The following KCNK17 variants were observed in gnomAD, a reference collection of about 807,000 sequenced individuals.
The protein encoded by KCNK17 is potassium channel subfamily K member 17.
A neutral mutation model predicts 24.6 loss-of-function variants in KCNK17; 27 were observed. The ratio of observed to expected loss-of-function variants is 1.10; its 90% CI spans 0.81 to 1.51. The LOEUF (loss-of-function observed/expected upper bound fraction) is 1.51, where lower values mean the gene tolerates loss of function less well. KCNK17 is among the 40% of genes most tolerant of loss of function. The pLI, the probability that KCNK17 is intolerant of heterozygous loss-of-function variation, is 0.00. For synonymous variants in KCNK17, 181 were observed against 189.8 expected (o/e 0.95, Z 0.38); for missense variants, 450 against 436.6 (o/e 1.03, Z -0.27).
intron 2 of KCNK17, among the ~76,000 whole-genome samples, chr6:39,310,425 GGGCTGA>G (rs1478857496): frequency 6.6e-6 from 1 of 151,946 alleles, no homozygotes; most frequent in Non-Finnish European, 1.5e-5. Context: ...ACCTCCCCCA[GGGCTGA>G]GAAACGGGGG....
At chr6:39,307,908 A>T (rs1762062504) in intron 2 of KCNK17, among the ~76,000 whole-genome samples, 1 of 152,148 alleles carries the variant, frequency 6.6e-6, no homozygotes, top group Admixed American at 6.5e-5. Flanking sequence ...CACAAGTCAC[A>T]TTCCCATCTC....
chr6:39,313,316 T>C (rs1762185672), intron 1 of KCNK17, among the ~76,000 whole-genome samples: 3 of 152,224 alleles, frequency 2.0e-5, no homozygotes, highest in South Asian at 2.1e-4. Context: ...GCCTTCAGCC[T>C]TTCTGGGCAG....
At chr6:39,313,033 ACT>A (rs1400730879) in intron 1 of KCNK17, among the ~76,000 whole-genome samples, 2 of 151,788 alleles carry the variant, frequency 1.3e-5, no homozygotes, top group African/African-American at 2.4e-5. Flanking sequence ...TGGACTGGAG[ACT>A]CTGGACGGAT....
chr6:39,308,899 G>A (rs1762081909), intron 2 of KCNK17, among the ~76,000 whole-genome samples: 1 of 152,190 alleles, frequency 6.6e-6, no homozygotes, highest in Non-Finnish European at 1.5e-5. Flanking sequence ...AGTGCATACA[G>A]GTGTGGTCAG....
chr6:39,310,959 T>TG lies in KCNK17; in HGVS notation c.285dup (p.Thr96HisfsTer79). 6.2e-7 allele frequency: 1 copy of TG among 1,602,404 alleles called. No homozygotes were observed. The highest frequency in any genetic ancestry group is 2.3e-5 in the East Asian group (1 of 44,028). On this transcript the variant is annotated frameshift_variant, in exon 2 of 5. Coordinates refer to ENST00000373231, the MANE Select transcript of KCNK17 (RefSeq NM_031460.4). LOFTEE classifies it high-confidence loss of function. ...ACGAGCTCCCAGCGCCCCATGCTGGTGGTGTTGCTGAGGAGGCTGGCTCCG... is the reference window on the plus strand; with the variant it reads ...ACGAGCTCCCAGCGCCCCATGCTGGTGGGTGTTGCTGAGGAGGCTGGCTCCG...
At chr6:39,305,513 T>C (rs754752065) in intron 2 of KCNK17, among the ~76,000 whole-genome samples, 3 of 152,046 alleles carry the variant, frequency 2.0e-5, no homozygotes, top group Non-Finnish European at 4.4e-5. Flanking sequence ...TGGTCTCTGA[T>C]CCTCAAGATA....
In KCNK17 at chr6:39,314,268, G is replaced by A. The variant is rs780907022; in HGVS notation, c.53C>T (p.Ala18Val). The change falls in exon 1 of 5, where the codon GCG becomes GTG. Residue 18 changes from alanine (A) to valine (V), a missense_variant. Transcript: ENST00000373231. ...CAGCAGGAGCACGGTGCTGGGCACC[G>A]CGCAGCCCCGGACCCTGCCCTCGGG... ...AAPEGRVRGCAVPSTVLLLLA... is the reference protein window; with the variant it reads ...AAPEGRVRGCVVPSTVLLLLA... The A allele has an allele frequency of 5.3e-6, 8 of 1,523,648 alleles. No homozygotes were observed. The highest frequency in any genetic ancestry group is 3.6e-5 in the South Asian group (3 of 82,482). 94.4% of individuals were successfully genotyped at this position (1,523,648 alleles called of 1,614,324 possible).
chr6:39,304,368 C>A, intron 3 of KCNK17, 127 bp downstream of exon 3: 1 of 919,832 alleles, frequency 1.1e-6, no homozygotes, highest in South Asian at 1.6e-5. Context: ...GAGCAGTGAC[C>A]CCCAATCCCA....
chr6:39,312,039 A>G (rs6927793), intron 1 of KCNK17, among the ~76,000 whole-genome samples: 2,751 of 152,286 alleles, frequency 0.018, 73 homozygotes, highest in African/African-American at 0.057. Context: ...CTCCTGCAGA[A>G]GTGAGTGATA....
chr6:39,304,719 C>A, intron 2 of KCNK17, 64 bp from the exon 3 acceptor site: 1 of 1,554,822 alleles, frequency 6.4e-7, no homozygotes, highest in Non-Finnish European at 8.8e-7. Flanking sequence ...ACCACCACAG[C>A]CCCACTCCTG....
At position 39,314,405 on chromosome 6, in the gene KCNK17, C is replaced by G; in HGVS notation, c.-85G>C. The stretch of plus-strand genomic sequence containing the variant: ...GGGCCAGGCGTCCAGCTCGTATCTC[C>G]TCTCGCAAACGCCTGCTGGTGCCCG... On this transcript the variant is annotated 5_prime_UTR_variant, in exon 1 of 5. Transcript: ENST00000373231. 1 of 984,952 alleles carries G rather than the reference C, an allele frequency of 1.0e-6. No homozygotes were observed. The highest frequency in any genetic ancestry group is 1.4e-6 in the Non-Finnish European group (1 of 710,752). 61.0% of individuals were successfully genotyped at this position (984,952 alleles called of 1,614,324 possible). A position where few individuals can be genotyped will look rare whatever the true frequency, so the allele number is the denominator to read the frequency against.
chr6:39,303,884 G>C (rs1761985865), intron 4 of KCNK17, 73 bp downstream of exon 4: 2 of 1,520,394 alleles, frequency 1.3e-6, no homozygotes, highest in Admixed American at 3.4e-5. Context: ...AGGTGCGCCA[G>C]CTGCGGGAGC....
chr6:39,314,131 G>A lies in KCNK17; in HGVS notation c.190C>T (p.Gln64Ter), dbSNP rs201418585. The change falls in exon 1 of 5, where the codon CAG becomes TAG. Residue 64 changes from glutamine to a stop codon, truncating the protein, a stop_gained. Transcript: ENST00000373231. LOFTEE classifies it high-confidence loss of function. Reference protein sequence around the residue: ...SFQRDKWELLQNFTCLDRPAL... With the variant: ...SFQRDKWELL ...GGGCGGTCCAGACACGTGAAGTTCT[G>A]CAACAGCTCCCACTTGTCGCGCTGG... 2.8e-5 allele frequency: 45 copies of A among 1,596,774 alleles called. No individual in the cohort carries two copies. In the African/African-American group the frequency reaches 5.8e-4, roughly 20 times the overall value.
chr6:39,312,819 A>G (rs1454036333), intron 1 of KCNK17, among the ~76,000 whole-genome samples: 1 of 152,212 alleles, frequency 6.6e-6, no homozygotes, highest in Non-Finnish European at 1.5e-5. Flanking sequence ...ACCAGGACCC[A>G]GCAGTCGGGC....
chr6:39,314,234 G>C lies in KCNK17; in HGVS notation c.87C>G (p.Tyr29Ter). 1.3e-6 allele frequency: 2 copies of C among 1,538,172 alleles called. No homozygotes were observed. Among genetic ancestry groups the C allele is most frequent in the Non-Finnish European group, 1.7e-6 (2 of 1,146,434 alleles). ...CGGTGCCCAGCGCCAGGTAAGCCAG[G>C]TAGGCGAGCAGCAGGAGCACGGTGC... is the stretch of plus-strand genomic sequence containing the variant. ...VPSTVLLLLAYLAYLALGTGV... is the reference protein window; with the variant it reads ...VPSTVLLLLA Residue 29 changes from tyrosine to a stop codon, truncating the protein, a stop_gained, in exon 1 of 5, where the codon TAC becomes TAG. Coordinates refer to ENST00000373231, the MANE Select transcript of KCNK17 (RefSeq NM_031460.4). LOFTEE classifies it high-confidence loss of function.
intron 4 of KCNK17, 146 bp from the exon 5 acceptor site, chr6:39,299,883 C>G: frequency 1.2e-6 from 1 of 820,222 alleles, no homozygotes; most frequent in Non-Finnish European, 1.9e-6. Context: ...GCCTCATGGT[C>G]ACCTCCGAAG....
intron 1 of KCNK17, 101 bp from the exon 2 acceptor site, chr6:39,311,108 AC>A (rs1554191981): frequency 3.3e-6 from 2 of 613,292 alleles, no homozygotes; most frequent in East Asian, 5.6e-5. Context: ...ACACACACAC[AC>A]ACACACACAC....
At chr6:39,300,351 T>C (rs907957959) in intron 4 of KCNK17, 1 of 811,226 alleles carries the variant, frequency 1.2e-6, no homozygotes, top group Non-Finnish European at 2.1e-6. Flanking sequence ...CTTGAACTCC[T>C]GAGCTCAGGC....
At chr6:39,308,978 G>A (rs766437808) in intron 2 of KCNK17, among the ~76,000 whole-genome samples, 3 of 152,210 alleles carry the variant, frequency 2.0e-5, no homozygotes, top group Admixed American at 6.5e-5. Flanking sequence ...CTCACTAGCC[G>A]TATGATCTGG....
Sources: allele counts gnomAD v4.1 joint callset (sites outside exome capture counted in the v4.1 genomes callset), GRCh38; gene constraint gnomAD v4.1.1; transcripts MANE v1.5; gene names NCBI Gene and HGNC (gene_info 2026-07-23, HGNC 2026-07-21).